ZNF512: variants seen among roughly 807,000 people sequenced by gnomAD.
The protein encoded by ZNF512 is zinc finger protein 512.
In ZNF512, 25 loss-of-function variants were observed where a neutral mutation model predicts 77.5. The ratio of observed to expected loss-of-function variants is 0.32; its 90% confidence interval spans 0.23 to 0.45. ZNF512 has a LOEUF of 0.45. Among genes scored for constraint, ZNF512 ranks in the 20% least tolerant of loss-of-function variants. The probability of loss-of-function intolerance (pLI) is 1.00; values close to 1 mark genes in which losing one functional copy is unlikely to be tolerated. For missense variants in ZNF512, 483 were observed against 692.6 expected, an observed-to-expected ratio of 0.70 and a Z score of 3.40; for synonymous variants, 246 against 239.9, an observed-to-expected ratio of 1.03 and a Z score of -0.24.
chr2:27,590,251 C>G (rs1671516244), intron 2 of ZNF512, among the ~76,000 whole-genome samples: 1 of 152,172 alleles, frequency 6.6e-6, no homozygotes, highest in African/African-American at 2.4e-5. Flanking sequence ...TAGGCACATA[C>G]AGTGGGTAAT....
Position 27,622,195 on chromosome 2 carries a change from A to G in ZNF512, c.*734A>G, listed in dbSNP as rs1673147719. Reference sequence around the variant, plus strand: ...AGAGAAAGTAGAAGCAGCAATAAATACTGCCCCAACTTTCCTGGAGCCCGA... The same window carrying G: ...AGAGAAAGTAGAAGCAGCAATAAATGCTGCCCCAACTTTCCTGGAGCCCGA... On this transcript the variant is annotated 3_prime_UTR_variant, in exon 14 of 14. Transcript: ENST00000355467. 1 of 152,356 alleles carries G rather than the reference A, an allele frequency of 6.6e-6. No homozygotes were observed. The highest frequency in any genetic ancestry group is 1.5e-5 in the Non-Finnish European group (1 of 68,034). 9.4% of individuals were successfully genotyped at this position (152,356 alleles called of 1,614,324 possible).
At chr2:27,600,475 G>A (rs1424108277) in intron 5 of ZNF512, among the ~76,000 whole-genome samples, 1 of 152,180 alleles carries the variant, frequency 6.6e-6, no homozygotes, top group African/African-American at 2.4e-5. Flanking sequence ...TTCTCAGGTG[G>A]TTTTTATCAT....
chr2:27,601,527 T>TGCA, intron 7 of ZNF512, 85 bp downstream of exon 7: 1 of 1,151,640 alleles, frequency 8.7e-7, no homozygotes, highest in Non-Finnish European at 1.3e-6. Flanking sequence ...CAGGCTGGAG[T>TGCA]GCAGTGGCAC....
intron 2 of ZNF512, among the ~76,000 whole-genome samples, chr2:27,587,805 G>A (rs540194238): frequency 1.4e-3 from 213 of 151,466 alleles, no homozygotes; most frequent in Middle Eastern, 6.8e-3. Context: ...CTCACCCTCC[G>A]GAGTAGCTGG....
intron 5 of ZNF512, among the ~76,000 whole-genome samples, chr2:27,600,441 T>G (rs982448118): frequency 2.6e-5 from 4 of 152,220 alleles, no homozygotes; most frequent in South Asian, 2.1e-4. Context: ...GCCTAATTCT[T>G]GAAGCAACTG....
intron 12 of ZNF512, chr2:27,617,012 G>A (rs1672910053): frequency 6.1e-6 from 1 of 162,616 alleles, no homozygotes; most frequent in Admixed American, 5.9e-5. Flanking sequence ...TAGTTTCTGA[G>A]TCCTTAAACT....
chr2:27,593,039 C>G (rs943807442), intron 2 of ZNF512, among the ~76,000 whole-genome samples: 4 of 151,788 alleles, frequency 2.6e-5, no homozygotes, highest in Admixed American at 2.6e-4. Flanking sequence ...CATGTCTCCC[C>G]TCCCCTTCCT....
chr2:27,621,621 A>G lies in ZNF512; in HGVS notation c.*160A>G. The G allele has an allele frequency of 2.7e-6, 2 of 727,888 alleles. No individual in the cohort carries two copies. Among genetic ancestry groups the G allele is most frequent in the South Asian group, 4.1e-5 (2 of 48,946 alleles). The allele number at this position is 727,888 out of a possible 1,614,324, so 45.1% of individuals were successfully genotyped here. On this transcript the variant is annotated 3_prime_UTR_variant, in exon 14 of 14. Transcript: ENST00000355467. ...GTAAATTTCACTGTCTTCCCTTCTTACATTTTGATTCCCCCCTCCCCTTTT... is the reference window on the plus strand; with the variant it reads ...GTAAATTTCACTGTCTTCCCTTCTTGCATTTTGATTCCCCCCTCCCCTTTT...
chr2:27,593,391 CAA>C (rs572251742), intron 2 of ZNF512, among the ~76,000 whole-genome samples: 902 of 76,684 alleles, frequency 0.012, 7 homozygotes, highest in African/African-American at 0.03. Flanking sequence ...GACCTTGTCT[CAA>C]AAAAAAAAAA....
chr2:27,612,710 T>TA (rs1262964258), intron 10 of ZNF512, among the ~76,000 whole-genome samples: 1 of 152,214 alleles, frequency 6.6e-6, no homozygotes, highest in Admixed American at 6.5e-5. Flanking sequence ...ATTACCAACT[T>TA]ATTCCCTTGT....
At position 27,603,203 on chromosome 2, in the gene ZNF512, G is replaced by A. The variant is rs1264656640; in HGVS notation, c.832G>A (p.Gly278Arg). ...CTACCATGTCAGAAAATGTGGCAAA[G>A]GGGCTGCAGAGCTGGAAAAGATGAC... The part of the protein sequence containing the change: ...YLYHVRKCGK[G>R]AAELEKMTLK... Residue 278 changes from glycine (G) to arginine (R), a missense_variant, in exon 9 of 14, where the codon GGG becomes AGG. This residue lies in a region of ZNF512 where 324 missense variants were observed against 525.0 expected (regional missense o/e 0.62). Transcript: ENST00000355467. 6.2e-7 allele frequency: 1 copy of A among 1,614,204 alleles called. No homozygotes were observed. The highest frequency in any genetic ancestry group is 8.5e-7 in the Non-Finnish European group (1 of 1,180,038).
intron 2 of ZNF512, among the ~76,000 whole-genome samples, chr2:27,585,419 A>G (rs1356578295): frequency 1.3e-5 from 2 of 152,234 alleles, no homozygotes; most frequent in East Asian, 3.8e-4. Flanking sequence ...GATAATTGTT[A>G]AAAAATAAGA....
intron 10 of ZNF512, among the ~76,000 whole-genome samples, chr2:27,610,230 G>A (rs1475905154): frequency 6.7e-6 from 1 of 148,558 alleles, no homozygotes; most frequent in Non-Finnish European, 1.5e-5. Flanking sequence ...TGGGCATGGT[G>A]GTGCTTGCCT....
rs1234358010 is a variant in ZNF512 at position 27,608,084 on chromosome 2, G to A, written c.1131+45G>A. ...CAATTTGGGAACCATTATGTCTAAC[G>A]TTGTGCCTACTGTACACAGAGAAGT... On this transcript the variant is annotated intron_variant, in intron 10 of 13. Coordinates refer to ENST00000355467, the MANE Select transcript of ZNF512 (RefSeq NM_032434.4). 10 of 1,499,628 alleles carry A rather than the reference G, an allele frequency of 6.7e-6. No homozygotes were observed. In the South Asian group the frequency reaches 1.1e-4, roughly 17 times the overall value. The allele number at this position is 1,499,628 out of a possible 1,614,324, so 92.9% of individuals were successfully genotyped here.
chr2:27,615,050 T>C (rs1392203207), intron 10 of ZNF512, 118 bp from the exon 11 acceptor site: 2 of 606,218 alleles, frequency 3.3e-6, no homozygotes. Flanking sequence ...ACAGTTTTTT[T>C]GTGTACAAGA....
Position 27,601,383 on chromosome 2 carries a change from A to T in ZNF512, c.610A>T (p.Lys204Ter). The T allele has an allele frequency of 6.2e-7, 1 of 1,614,124 alleles. No individual in the cohort carries two copies. The highest frequency in any genetic ancestry group is 8.5e-7 in the Non-Finnish European group (1 of 1,179,992). Reference protein sequence around the residue: ...QEMFTCHHCGKQLRSLAGMKY... With the variant: ...QEMFTCHHCG ...AATGTTTACTTGTCATCATTGTGGG[A>T]AACAACTTCGTTCACTGGCAGGGAT... The change falls in exon 7 of 14, where the codon AAA becomes TAA. Residue 204 changes from lysine to a stop codon, truncating the protein, a stop_gained. Transcript: ENST00000355467. LOFTEE classifies it high-confidence loss of function.
At position 27,600,763 on chromosome 2, in the gene ZNF512, T is replaced by C; in HGVS notation, c.530T>C (p.Val177Ala). The change falls in exon 6 of 14, where the codon GTG (valine) becomes GCG (alanine). Residue 177 changes from valine (V) to alanine (A), a missense_variant. Val to Ala is a moderately conservative substitution (Grantham distance 64). Transcript: ENST00000355467. ...GSVSCPTCQA[V>A]GRKTIEGLKK... is the part of the protein sequence containing the mutation. Reference sequence around the variant, plus strand: ...GTCTCCTGCCCTACCTGCCAGGCAGTGGGGAGGAAGACCATAGAGGGTTTA... The same window carrying C: ...GTCTCCTGCCCTACCTGCCAGGCAGCGGGGAGGAAGACCATAGAGGGTTTA... 6.2e-7 allele frequency: 1 copy of C among 1,614,038 alleles called. No homozygotes were observed. The highest frequency in any genetic ancestry group is 1.3e-5 in the African/African-American group (1 of 75,022).
intron 9 of ZNF512, among the ~76,000 whole-genome samples, chr2:27,607,477 T>G (rs1672422289): frequency 6.6e-6 from 1 of 151,972 alleles, no homozygotes; most frequent in African/African-American, 2.4e-5. Flanking sequence ...AAGCGATTCT[T>G]CTGTCTCAGC....
At position 27,583,050 on chromosome 2, in the gene ZNF512, G is replaced by A; in HGVS notation, c.-63G>A. 1 of 1,596,384 alleles carries A rather than the reference G, an allele frequency of 6.3e-7. No homozygotes were observed. Among genetic ancestry groups the A allele is most frequent in the East Asian group, 2.2e-5 (1 of 44,782 alleles). On this transcript the variant is annotated 5_prime_UTR_variant, in exon 1 of 14. Coordinates refer to ENST00000355467, the MANE Select transcript of ZNF512 (RefSeq NM_032434.4). ...CCGAGCCCACATCCGGGAGAGGAGA[G>A]CGGAAGTGGCGTTGGTCTGGCCGGA...
Sources: gnomAD v4.1 joint callset for allele counts (sites outside exome capture counted in the v4.1 genomes callset) on GRCh38, gnomAD v4.1.1 for gene constraint, gnomAD v4.1.1 regional missense constraint, MANE v1.5 for transcripts, NCBI Gene and HGNC (gene_info 2026-07-23, HGNC 2026-07-21) for gene names.